Variants in PTER observed in about 807,000 individuals in gnomAD.
PTER encodes N-acetyltaurine hydrolase.
In PTER, 38 loss-of-function variants were observed where a neutral mutation model predicts 29.6. That is an observed-to-expected ratio of 1.28 (90% confidence interval 0.99 to 1.68). PTER has a LOEUF of 1.68. PTER is among the 40% of genes most tolerant of loss of function. The probability of loss-of-function intolerance (pLI) is 0.00; values close to 1 mark genes in which losing one functional copy is unlikely to be tolerated. For missense variants in PTER, 482 were observed against 427.8 expected, an observed-to-expected ratio of 1.13 and a Z score of -1.12; for synonymous variants, 172 against 154.5, an observed-to-expected ratio of 1.11 and a Z score of -0.84.
rs184225101 is a variant in PTER at position 16,477,476 on chromosome 10, C to T, written c.-48-6861C>T. On this transcript the variant is annotated intron_variant, in intron 1 of 4. Coordinates refer to ENST00000535784, the MANE Select transcript of PTER (RefSeq NM_001261836.2). The stretch of plus-strand genomic sequence containing the variant: ...ACAGGCGTGAGCTACTGTGCCCAGC[C>T]TAAAATATACATTTAAAAATCCATT... Among the ~76,000 whole-genome samples the T allele has an allele frequency of 1.2e-3, 181 of 152,164 alleles. 1 individual carries two copies. The highest frequency in any genetic ancestry group is 6.8e-3 in the Middle Eastern group (2 of 292).
intron 1 of PTER, among the ~76,000 whole-genome samples, chr10:16,449,884 T>C (rs1233924056): frequency 6.6e-6 from 1 of 152,134 alleles, no homozygotes; most frequent in Non-Finnish European, 1.5e-5. Context: ...AAATCAGGCA[T>C]TTCTAGCTCA....
intron 1 of PTER, among the ~76,000 whole-genome samples, chr10:16,447,316 G>A (rs980036056): frequency 1.3e-5 from 2 of 151,382 alleles, no homozygotes; most frequent in African/African-American, 2.4e-5. Flanking sequence ...TCAGGTCAAT[G>A]TCTTGAACTC....
At chr10:16,456,204 A>T (rs1262636216) in intron 1 of PTER, among the ~76,000 whole-genome samples, 2 of 152,234 alleles carry the variant, frequency 1.3e-5, no homozygotes, top group African/African-American at 2.4e-5. Context: ...CATTCTTTCC[A>T]GTCAAGTTCA....
chr10:16,481,405 A>T (rs967734606), intron 1 of PTER, among the ~76,000 whole-genome samples: 6 of 152,192 alleles, frequency 3.9e-5, no homozygotes, highest in Non-Finnish European at 7.3e-5. Context: ...AGAAGAGAGC[A>T]ACCTCCAAGC....
At chr10:16,516,207 T>C (rs972088766), downstream of PTER, among the ~76,000 whole-genome samples, 2 of 152,164 alleles carry the variant, frequency 1.3e-5, no homozygotes, top group Non-Finnish European at 2.9e-5. Context: ...GAAAGCAATA[T>C]ACCATGTAAT....
intron 1 of PTER, among the ~76,000 whole-genome samples, chr10:16,472,405 G>C (rs1343527873): frequency 6.6e-6 from 1 of 152,052 alleles, no homozygotes. Context: ...GAATCACGGG[G>C]GCGGTTTCCC....
chr10:16,446,893 A>G (rs1156780524), intron 1 of PTER, among the ~76,000 whole-genome samples: 1 of 151,952 alleles, frequency 6.6e-6, no homozygotes, highest in Admixed American at 6.6e-5. Context: ...GGTTCAAGCA[A>G]TTCTCATGCC....
chr10:16,437,821 C>G (rs938186223), intron 1 of PTER, among the ~76,000 whole-genome samples: 1 of 152,158 alleles, frequency 6.6e-6, no homozygotes, highest in African/African-American at 2.4e-5. Context: ...CTTTCTGACT[C>G]CACAGCCAGT....
intron 4 of PTER, among the ~76,000 whole-genome samples, chr10:16,508,370 A>G (rs1836674302): frequency 6.6e-6 from 1 of 152,086 alleles, no homozygotes; most frequent in Non-Finnish European, 1.5e-5. Flanking sequence ...GCCCGGCCTC[A>G]ACACATGTTT....
intron 4 of PTER, among the ~76,000 whole-genome samples, chr10:16,508,018 C>T (rs1468073393): frequency 6.6e-6 from 1 of 151,766 alleles, no homozygotes; most frequent in African/African-American, 2.4e-5. Context: ...ACATGATTTC[C>T]TGATCAATGC....
In PTER at chr10:16,511,329, G is replaced by T; in HGVS notation, c.*73G>T. On this transcript the variant is annotated 3_prime_UTR_variant, in exon 5 of 5. Transcript: ENST00000535784. ...CATTCAGCGATTTCCAGTCCACTGT[G>T]AGATATTAATCAGTTACCTAGGACT... 7.4e-7 allele frequency: 1 copy of T among 1,343,742 alleles called. No homozygotes were observed. Among genetic ancestry groups the T allele is most frequent in the African/African-American group, 1.4e-5 (1 of 69,522 alleles). 83.2% of individuals were successfully genotyped at this position (1,343,742 alleles called of 1,614,324 possible). A position where few individuals can be genotyped will look rare whatever the true frequency, so the allele number is the denominator to read the frequency against.
chr10:16,460,150 A>G (rs1252916410), intron 1 of PTER, among the ~76,000 whole-genome samples: 2 of 152,216 alleles, frequency 1.3e-5, no homozygotes, highest in Admixed American at 1.3e-4. Flanking sequence ...AGCACACTGC[A>G]GTTAAAGGGC....
chr10:16,478,428 G>T (rs959924396), intron 1 of PTER, among the ~76,000 whole-genome samples: 4 of 150,942 alleles, frequency 2.7e-5, no homozygotes, highest in African/African-American at 7.3e-5. Flanking sequence ...CCGCCTCCCG[G>T]GTTCAAGCGA....
chr10:16,490,448 A>C (rs1835856971), intron 3 of PTER, among the ~76,000 whole-genome samples: 1 of 151,696 alleles, frequency 6.6e-6, no homozygotes, highest in South Asian at 2.1e-4. Flanking sequence ...CTCCAGTCTG[A>C]TCTCCTACTC....
intron 1 of PTER, among the ~76,000 whole-genome samples, chr10:16,476,970 A>C (rs1835292833): frequency 7.8e-6 from 1 of 127,554 alleles, no homozygotes; most frequent in African/African-American, 3.1e-5. Flanking sequence ...TAGTGGTGTG[A>C]TTTGGGCTCA....
At chr10:16,450,838 A>T (rs1834180854) in intron 1 of PTER, among the ~76,000 whole-genome samples, 1 of 152,238 alleles carries the variant, frequency 6.6e-6, no homozygotes, top group Non-Finnish European at 1.5e-5. Context: ...TATTATGTAC[A>T]GAGTCACTAA....
chr10:16,492,665 A>T (rs1835940876), intron 3 of PTER, among the ~76,000 whole-genome samples: 1 of 152,250 alleles, frequency 6.6e-6, no homozygotes, highest in Non-Finnish European at 1.5e-5. Context: ...TGGAGGGGAA[A>T]CAGACAGGTG....
Position 16,484,801 on chromosome 10 carries a change from C to T in PTER, c.417C>T (p.Ala139=). 6.2e-7 allele frequency: 1 copy of T among 1,603,864 alleles called. No homozygotes were observed. Among genetic ancestry groups the T allele is most frequent in the South Asian group, 1.1e-5 (1 of 89,002 alleles). ...VDATHSSETR[A]MSVEQLTDVL... ...CAACTCACTCCTCAGAGACCAGGGCCATGTCAGTGGAGCAGGTAAAAAGCC... is the reference window on the plus strand; with the variant it reads ...CAACTCACTCCTCAGAGACCAGGGCTATGTCAGTGGAGCAGGTAAAAAGCC... The change falls in exon 2 of 5, where the codon GCC becomes GCT. Residue 139 remains alanine (A), a synonymous_variant. Coordinates refer to ENST00000535784, the MANE Select transcript of PTER (RefSeq NM_001261836.2).
chr10:16,477,093 A>G (rs1835297417), intron 1 of PTER, among the ~76,000 whole-genome samples: 1 of 151,884 alleles, frequency 6.6e-6, no homozygotes, highest in African/African-American at 2.4e-5. Flanking sequence ...TTTAGTAGAG[A>G]TGGGCTGGCC....
Sources: gnomAD v4.1 joint callset for allele counts (sites outside exome capture counted in the v4.1 genomes callset) on GRCh38, gnomAD v4.1.1 for gene constraint, MANE v1.5 for transcripts, NCBI Gene and HGNC (gene_info 2026-07-23, HGNC 2026-07-21) for gene names.